The following CDH11 variants were observed in gnomAD, a reference collection of about 807,000 sequenced individuals.
CDH11 encodes cadherin 11, also known as cadherin-11.
CDH11 carries 11 observed loss-of-function variants against 67.8 expected under a neutral mutation model. The ratio of observed to expected loss-of-function variants is 0.16; its 90% CI spans 0.10 to 0.27. The LOEUF (loss-of-function observed/expected upper bound fraction) is 0.27. CDH11 is among the 10% of genes least tolerant of loss of function. The pLI is 1.00. For missense variants in CDH11, 847 were observed against 1,031.2 expected (o/e 0.82, Z 2.45); for synonymous variants, 419 against 400.0 (o/e 1.05, Z -0.57).
chr16:65,010,340 G>A (rs954222579), intron 2 of CDH11, among the ~76,000 whole-genome samples: 36 of 152,040 alleles, frequency 2.4e-4, no homozygotes, highest in African/African-American at 6.8e-4. Context: ...TTTATTCCCC[G>A]TTCAGATCTC....
At chr16:65,084,477 G>A (rs1294013738) in intron 1 of CDH11, among the ~76,000 whole-genome samples, 3 of 150,990 alleles carry the variant, frequency 2.0e-5, no homozygotes, top group East Asian at 3.9e-4. Context: ...AGAAAAAGAA[G>A]AAGAAGCCTA....
In CDH11 at chr16:65,117,180, C is replaced by T. The variant is rs559039552; in HGVS notation, c.-298+4700G>A. ...TTACTTAATACTCCCTCCCATAATC[C>T]ATTTGCATTGATTCCTTCTTCATCA... On this transcript the variant is annotated intron_variant, in intron 1 of 12. Coordinates refer to ENST00000268603, the MANE Select transcript of CDH11 (RefSeq NM_001797.4). Among the ~76,000 whole-genome samples the T allele has an allele frequency of 5.3e-5, 8 of 152,194 alleles. No individual in the cohort carries two copies. The South Asian group carries it at 1.2e-3, about 24-fold the overall frequency.
chr16:64,983,183 T>A (rs919182572), intron 7 of CDH11: 1 of 151,752 alleles, frequency 6.6e-6, no homozygotes, highest in East Asian at 1.9e-4. Flanking sequence ...AGATGGTCTA[T>A]TTAAAGAAAA....
chr16:65,024,953 C>G (rs1428914613), intron 2 of CDH11, among the ~76,000 whole-genome samples: 1 of 152,202 alleles, frequency 6.6e-6, no homozygotes, highest in African/African-American at 2.4e-5. Context: ...TGAAAAGCAG[C>G]TCTGCTGCAT....
At chr16:64,989,800 G>T (rs10459793) in intron 6 of CDH11, among the ~76,000 whole-genome samples, 1 of 152,002 alleles carries the variant, frequency 6.6e-6, no homozygotes, top group Non-Finnish European at 1.5e-5. Context: ...ATATAGGGAA[G>T]CCAGGGTTGA....
At chr16:65,122,199 G>A (rs1259574200), upstream of CDH11, 3 of 536,538 alleles carry the variant, frequency 5.6e-6, no homozygotes, top group Non-Finnish European at 9.8e-6. Flanking sequence ...GCTGAGAGAA[G>A]CCGAGGCTGC....
chr16:65,004,581 C>T, intron 3 of CDH11, 61 bp downstream of exon 3: 1 of 1,523,236 alleles, frequency 6.6e-7, no homozygotes, highest in Non-Finnish European at 8.8e-7. Context: ...TTCTTTCTGG[C>T]CACAGACGAC....
At position 65,049,114 on chromosome 16, in the gene CDH11, G is replaced by T. The variant is rs1287026363; in HGVS notation, c.-173+4690C>A. On this transcript the variant is annotated intron_variant, in intron 2 of 12. Transcript: ENST00000268603. ...ATAATGTTCATTATTTTGGTGATGGGTGTACTAGAAGCCCAAACCTCACCA... is the reference window on the plus strand; with the variant it reads ...ATAATGTTCATTATTTTGGTGATGGTTGTACTAGAAGCCCAAACCTCACCA... Among the ~76,000 whole-genome samples, 6 of 152,054 alleles carry T rather than the reference G, an allele frequency of 3.9e-5. No individual in the cohort carries two copies. The East Asian group carries it at 5.8e-4, about 15-fold the overall frequency.
Position 64,945,774 on chromosome 16 carries a change from G to A in CDH11, c.*1829C>T, listed in dbSNP as rs2071185006. 9.6e-7 allele frequency: 1 copy of A among 1,043,380 alleles called. No individual in the cohort carries two copies. The highest frequency in any genetic ancestry group is 1.2e-6 in the Non-Finnish European group (1 of 865,236). 64.6% of individuals were successfully genotyped at this position (1,043,380 alleles called of 1,614,324 possible). On this transcript the variant is annotated 3_prime_UTR_variant, in exon 13 of 13. Coordinates refer to ENST00000268603, the MANE Select transcript of CDH11 (RefSeq NM_001797.4). The stretch of plus-strand genomic sequence containing the variant: ...AAAAACATTTCTTTGTATGCATGTT[G>A]ACTAAATCATAAAAATAGTACATAA...
rs116277637 is a variant in CDH11, at chr16:65,029,713, G to A, written c.-173+24091C>T. ...TGTTTATACTGGATGAATGAATAGC[G>A]TTAGAGTAAATCGCTTGTCCTTATT... is the stretch of plus-strand genomic sequence containing the variant. On this transcript the variant is annotated intron_variant, in intron 2 of 12. Transcript: ENST00000268603. Among the ~76,000 whole-genome samples, 843 of 152,306 alleles carry A rather than the reference G, an allele frequency of 5.5e-3. 11 individuals are homozygous for A. Among genetic ancestry groups the A allele is most frequent in the African/African-American group, 0.019 (779 of 41,564 alleles).
At chr16:64,984,979 C>T (rs1230065644) in intron 7 of CDH11, 1 of 152,186 alleles carries the variant, frequency 6.6e-6, no homozygotes, top group African/African-American at 2.4e-5. Flanking sequence ...TCTGACACTG[C>T]TTTTCAAGGA....
chr16:65,078,467 C>T (rs959304434), intron 1 of CDH11, among the ~76,000 whole-genome samples: 2 of 152,080 alleles, frequency 1.3e-5, no homozygotes, highest in Non-Finnish European at 2.9e-5. Context: ...TATCATTCCC[C>T]CAATAGCAGT....
At chr16:65,116,267 T>C (rs1567589311) in intron 1 of CDH11, among the ~76,000 whole-genome samples, 1 of 152,226 alleles carries the variant, frequency 6.6e-6, no homozygotes, top group Non-Finnish European at 1.5e-5. Flanking sequence ...GATGCATCGA[T>C]AGCAGGGACT....
intron 8 of CDH11, chr16:64,981,352 C>G (rs1377708494): frequency 1.3e-5 from 2 of 152,036 alleles, no homozygotes; most frequent in South Asian, 2.1e-4. Flanking sequence ...GTGATCCACC[C>G]GCCTTAGCCT....
At chr16:64,989,440 A>G (rs2072574873) in intron 6 of CDH11, among the ~76,000 whole-genome samples, 1 of 152,200 alleles carries the variant, frequency 6.6e-6, no homozygotes, top group Non-Finnish European at 1.5e-5. Context: ...GTAGGAGAAG[A>G]CATTCTTTAG....
chr16:64,950,768 C>A lies in CDH11; in HGVS notation c.1893G>T (p.Leu631=), dbSNP rs1326343745. The A allele has an allele frequency of 6.2e-7, 1 of 1,613,340 alleles. No individual in the cohort carries two copies. The highest frequency in any genetic ancestry group is 1.7e-5 in the Admixed American group (1 of 60,016). Reference sequence around the variant, plus strand: ...CAGGGGACCAGGAAGCGCCCTTACCCAGGAGAATGACGATGCAGGCGAGGA... The same window carrying A: ...CAGGGGACCAGGAAGCGCCCTTACCAAGGAGAATGACGATGCAGGCGAGGA... ...IAILACIVIL[L]VIVVLFVTLR... is the part of the protein sequence containing the mutation. Residue 631 remains leucine (L), a splice_region_variant and synonymous_variant, in exon 12 of 13, where the codon CTG becomes CTT. Transcript: ENST00000268603.
intron 4 of CDH11, among the ~76,000 whole-genome samples, chr16:64,998,340 A>G (rs2072827759): frequency 6.6e-6 from 1 of 152,272 alleles, no homozygotes; most frequent in African/African-American, 2.4e-5. Context: ...TTAGACATCA[A>G]TACGCACTAG....
At chr16:65,110,881 G>A (rs1200635605) in intron 1 of CDH11, among the ~76,000 whole-genome samples, 1 of 152,114 alleles carries the variant, frequency 6.6e-6, no homozygotes, top group East Asian at 1.9e-4. Context: ...AATTGAACAA[G>A]CAAACAAAAT....
rs2071206866 is a variant in CDH11, at chr16:64,946,831, A to T, written c.*772T>A. ...AAGATTGCTTCTTATATTGAAGCTC[A>T]TATTAAAGCAACAGTACAATGTTCA... is the stretch of plus-strand genomic sequence containing the variant. On this transcript the variant is annotated 3_prime_UTR_variant, in exon 13 of 13. Coordinates refer to ENST00000268603, the MANE Select transcript of CDH11 (RefSeq NM_001797.4). 1.2e-6 allele frequency: 1 copy of T among 863,380 alleles called. No homozygotes were observed. Among genetic ancestry groups the T allele is most frequent in the Admixed American group, 5.9e-5 (1 of 16,946 alleles). 53.5% of individuals were successfully genotyped at this position (863,380 alleles called of 1,614,324 possible).
Sources: allele counts gnomAD v4.1 joint callset (sites outside exome capture counted in the v4.1 genomes callset), GRCh38; gene constraint gnomAD v4.1.1; transcripts MANE v1.5; gene names NCBI Gene and HGNC (gene_info 2026-07-23, HGNC 2026-07-21).